Variants in PTPRT observed in about 807,000 individuals in gnomAD.
The protein encoded by PTPRT is receptor-type tyrosine-protein phosphatase T.
Under a neutral mutation model 176.8 loss-of-function variants are expected in PTPRT, and 56 were observed. The ratio of observed to expected loss-of-function variants is 0.32; its 90% CI spans 0.26 to 0.40. PTPRT has a LOEUF of 0.40. Among genes scored for constraint, PTPRT ranks in the 10% least tolerant of loss-of-function variants. The pLI is 1.00. For synonymous variants in PTPRT, 783 were observed against 739.0 expected (o/e 1.06, Z -0.96); for missense variants, 1,540 against 1,908.2 (o/e 0.81, Z 3.60).
intron 8 of PTPRT, among the ~76,000 whole-genome samples, chr20:42,451,224 T>A (rs1004152852): frequency 1.3e-5 from 2 of 151,962 alleles, no homozygotes; most frequent in Non-Finnish European, 2.9e-5. Flanking sequence ...GACTTGGTGG[T>A]GATAGATAAG....
chr20:43,056,559 G>C (rs1244382057), intron 1 of PTPRT, among the ~76,000 whole-genome samples: 1 of 152,170 alleles, frequency 6.6e-6, no homozygotes, highest in Non-Finnish European at 1.5e-5. Context: ...GTCTGTTGCT[G>C]AAGCAAGATA....
chr20:42,162,547 C>A (rs1181636609), intron 16 of PTPRT, among the ~76,000 whole-genome samples: 1 of 152,194 alleles, frequency 6.6e-6, no homozygotes, highest in Non-Finnish European at 1.5e-5. Context: ...TTCCCAGAAC[C>A]ATCTAGGCTT....
chr20:43,090,328 C>A (rs564564831), intron 1 of PTPRT, among the ~76,000 whole-genome samples: 7 of 150,224 alleles, frequency 4.7e-5, no homozygotes, highest in African/African-American at 1.7e-4. Flanking sequence ...AGTGCAGTGG[C>A]GCCATCTCAG....
rs6103057 is a variant in PTPRT at position 42,825,689 on chromosome 20, G to A, written c.215-34223C>T. Reference sequence around the variant, plus strand: ...CCAAATGCACCAAAATGACAGTGTAGGAATTAAAAAGACATAAACAAACCC... The same window carrying A: ...CCAAATGCACCAAAATGACAGTGTAAGAATTAAAAAGACATAAACAAACCC... On this transcript the variant is annotated intron_variant, in intron 2 of 30. Coordinates refer to ENST00000373187, the MANE Select transcript of PTPRT (RefSeq NM_007050.6). Among the ~76,000 whole-genome samples, 7 of 152,134 alleles carry A rather than the reference G, an allele frequency of 4.6e-5. No homozygotes were observed. The East Asian group carries it at 1.4e-3, about 30-fold the overall frequency.
chr20:42,071,644 GTTTTA>G (rs532857392), downstream of PTPRT, among the ~76,000 whole-genome samples: 6 of 152,188 alleles, frequency 3.9e-5, no homozygotes, highest in South Asian at 4.1e-4. Flanking sequence ...GCTCAGCAGT[GTTTTA>G]TTTTATTTTA....
intron 9 of PTPRT, among the ~76,000 whole-genome samples, chr20:42,383,886 G>A (rs1475890503): frequency 2.6e-5 from 4 of 152,174 alleles, no homozygotes; most frequent in African/African-American, 7.2e-5. Flanking sequence ...CTCCAGAAGA[G>A]AAAAAGTTAT....
chr20:42,748,345 T>C (rs1371496542), intron 6 of PTPRT, among the ~76,000 whole-genome samples: 1 of 152,152 alleles, frequency 6.6e-6, no homozygotes, highest in East Asian at 1.9e-4. Context: ...CACTGGGTGA[T>C]ATAGCCCTCC....
At chr20:42,257,080 T>A (rs529463599) in intron 13 of PTPRT, among the ~76,000 whole-genome samples, 3 of 152,332 alleles carry the variant, frequency 2.0e-5, no homozygotes, top group Admixed American at 1.3e-4. Flanking sequence ...CAGTAAAGGA[T>A]GGTTGTGACA....
In PTPRT at chr20:42,885,701, G is replaced by C. The variant is rs547476159; in HGVS notation, c.214+106C>G. On this transcript the variant is annotated intron_variant, in intron 2 of 30. Coordinates refer to ENST00000373187, the MANE Select transcript of PTPRT (RefSeq NM_007050.6). ...GGAACTCACTACCTACAGAGCTATC[G>C]ATTGCCATCTCAGAGAGCTCAATGT... 3.0e-5 allele frequency: 42 copies of C among 1,412,496 alleles called. No individual in the cohort carries two copies. The East Asian group carries it at 1.0e-3, about 35-fold the overall frequency. The allele number at this position is 1,412,496 out of a possible 1,614,324, so 87.5% of individuals were successfully genotyped here.
intron 7 of PTPRT, among the ~76,000 whole-genome samples, chr20:42,518,776 T>C (rs2072116195): frequency 6.6e-6 from 1 of 152,146 alleles, no homozygotes; most frequent in South Asian, 2.1e-4. Context: ...AAATAGTTTC[T>C]TTTTCTGGTT....
At chr20:43,131,076 A>G (rs2013633369) in intron 1 of PTPRT, among the ~76,000 whole-genome samples, 1 of 152,216 alleles carries the variant, frequency 6.6e-6, no homozygotes, top group South Asian at 2.1e-4. Context: ...TAGCAATTCA[A>G]TAACACTGGC....
Position 42,076,555 on chromosome 20 carries a change from C to T in PTPRT, c.*4324G>A, listed in dbSNP as rs1982793849. ...GAACAGTGAGGTCAGAGCACCCACA[C>T]ACCAAAGGAGCTGCCTAGGAGAAGG... On this transcript the variant is annotated 3_prime_UTR_variant, in exon 31 of 31. Coordinates refer to ENST00000373187, the MANE Select transcript of PTPRT (RefSeq NM_007050.6). 1 of 198,590 alleles carries T rather than the reference C, an allele frequency of 5.0e-6. No individual in the cohort carries two copies. Among genetic ancestry groups the T allele is most frequent in the African/African-American group, 2.3e-5 (1 of 43,318 alleles). 12.3% of individuals were successfully genotyped at this position (198,590 alleles called of 1,614,324 possible).
At chr20:42,566,687 A>C (rs2073045673) in intron 7 of PTPRT, among the ~76,000 whole-genome samples, 1 of 152,196 alleles carries the variant, frequency 6.6e-6, no homozygotes, top group Admixed American at 6.5e-5. Context: ...TAGGTGACCG[A>C]GTGACCAAGT....
chr20:42,785,966 A>G (rs567368636), intron 3 of PTPRT, among the ~76,000 whole-genome samples: 1 of 152,290 alleles, frequency 6.6e-6, no homozygotes, highest in South Asian at 2.1e-4. Context: ...TGAGAGACGA[A>G]CGTGGTGGGA....
In PTPRT at chr20:42,350,710, C is replaced by T. The variant is rs747923769; in HGVS notation, c.1783G>A (p.Asp595Asn). The change falls in exon 11 of 31, where the codon GAC becomes AAC. Residue 595 changes from aspartate to asparagine, a missense_variant. Physicochemically the swap from Asp to Asn is conservative, Grantham distance 23. Transcript: ENST00000373187. ...GTCTCATTCAATGGGGTGTCTGTGT[C>T]GTACTCAGGCATGGATGGAGCTGGA... ...KISAPSMPEY[D>N]TDTPLNETDT... The T allele has an allele frequency of 6.2e-6, 10 of 1,612,870 alleles. No individual in the cohort carries two copies. Among genetic ancestry groups the T allele is most frequent in the African/African-American group, 1.3e-5 (1 of 74,890 alleles).
chr20:42,758,476 G>A (rs1449210217), intron 5 of PTPRT, among the ~76,000 whole-genome samples: 1 of 152,190 alleles, frequency 6.6e-6, no homozygotes, highest in Non-Finnish European at 1.5e-5. Context: ...GGGCAGCTAA[G>A]AGAGACTTGC....
At chr20:43,018,293 G>A (rs6072949) in intron 1 of PTPRT, among the ~76,000 whole-genome samples, 29,434 of 152,126 alleles carry the variant, frequency 0.19, 3,581 homozygotes, top group South Asian at 0.32. Flanking sequence ...GGAAAACAAC[G>A]TTCAGAGTTG....
At chr20:42,302,840 G>T (rs2057490093) in intron 12 of PTPRT, among the ~76,000 whole-genome samples, 1 of 152,198 alleles carries the variant, frequency 6.6e-6, no homozygotes, top group Non-Finnish European at 1.5e-5. Flanking sequence ...TGCAAATGGG[G>T]TGTGGGAGAC....
At chr20:42,755,471 AT>A (rs1177009445) in intron 6 of PTPRT, among the ~76,000 whole-genome samples, 1 of 152,142 alleles carries the variant, frequency 6.6e-6, no homozygotes, top group Admixed American at 6.5e-5. Flanking sequence ...TCATTATTTC[AT>A]TCACTAAATT....
Sources: allele counts gnomAD v4.1 joint callset (sites outside exome capture counted in the v4.1 genomes callset), GRCh38; gene constraint gnomAD v4.1.1; transcripts MANE v1.5; gene names NCBI Gene and HGNC (gene_info 2026-07-23, HGNC 2026-07-21).